KAZN: variants seen among roughly 807,000 people sequenced by gnomAD.
KAZN encodes the protein kazrin, periplakin interacting protein.
Under a neutral mutation model 87.4 loss-of-function variants are expected in KAZN, and 40 were observed. The observed-to-expected ratio is 0.46, with a 90% CI of 0.36 to 0.60. KAZN has a LOEUF of 0.60. Ranked by LOEUF, KAZN falls within the 20% of genes least tolerant of loss-of-function variation. The probability of loss-of-function intolerance (pLI) is 0.00; values close to 1 mark genes in which losing one functional copy is unlikely to be tolerated. For missense variants in KAZN, 898 were observed against 1,073.9 expected (o/e 0.84, Z 2.29); for synonymous variants, 466 against 458.3 (o/e 1.02, Z -0.22).
chr1:13,929,175 C>G (rs946477532), intron 1 of KAZN, among the ~76,000 whole-genome samples: 1 of 151,708 alleles, frequency 6.6e-6, no homozygotes, highest in Non-Finnish European at 1.5e-5. Flanking sequence ...CCACCTCAGC[C>G]TCCCAAGGAG....
chr1:14,283,244 T>G (rs1338833519), intron 2 of KAZN, among the ~76,000 whole-genome samples: 3 of 152,224 alleles, frequency 2.0e-5, no homozygotes, highest in Non-Finnish European at 2.9e-5. Flanking sequence ...CAAGGCATTT[T>G]GTCAAGTCCC....
intron 2 of KAZN, among the ~76,000 whole-genome samples, chr1:14,260,253 A>G (rs778183115): frequency 4.6e-5 from 7 of 152,222 alleles, no homozygotes; most frequent in Admixed American, 2.0e-4. Context: ...CTGATATTCT[A>G]GTGTAGGAGG....
At chr1:14,069,945 C>T (rs138344384) in intron 1 of KAZN, among the ~76,000 whole-genome samples, 102 of 151,996 alleles carry the variant, frequency 6.7e-4, no homozygotes, top group African/African-American at 2.3e-3. Flanking sequence ...CTGAGGCTGG[C>T]GGATCACGAG....
chr1:14,284,602 G>A (rs1264406002), intron 2 of KAZN, among the ~76,000 whole-genome samples: 1 of 152,202 alleles, frequency 6.6e-6, no homozygotes, highest in Non-Finnish European at 1.5e-5. Context: ...AAGGGAAACT[G>A]TTTGCAGGAA....
At chr1:14,077,097 G>A (rs964241429) in intron 1 of KAZN, among the ~76,000 whole-genome samples, 3 of 152,016 alleles carry the variant, frequency 2.0e-5, no homozygotes, top group East Asian at 1.9e-4. Flanking sequence ...TTGCTTCCTC[G>A]GGCCACCTTG....
intron 3 of KAZN, among the ~76,000 whole-genome samples, chr1:15,042,450 G>A (rs1234477257): frequency 2.0e-5 from 3 of 152,196 alleles, no homozygotes. Flanking sequence ...GGTGGTCAGG[G>A]AAGGCTTCTC....
chr1:14,493,578 C>G (rs1669792634), intron 2 of KAZN, among the ~76,000 whole-genome samples: 1 of 152,138 alleles, frequency 6.6e-6, no homozygotes, highest in Non-Finnish European at 1.5e-5. Context: ...TGATTTTTGT[C>G]TTTATCCTTA....
intron 2 of KAZN, among the ~76,000 whole-genome samples, chr1:14,334,362 C>T (rs12032590): frequency 7.1e-5 from 1 of 14,126 alleles, no homozygotes; most frequent in African/African-American, 3.2e-4. Context: ...AAGATTCCAT[C>T]TCAAAAAAAA....
chr1:14,706,064 G>A (rs899485454), intron 1 of KAZN, among the ~76,000 whole-genome samples: 4 of 152,098 alleles, frequency 2.6e-5, no homozygotes, highest in Non-Finnish European at 2.9e-5. Flanking sequence ...GATTTGCATA[G>A]GAATGTGAAC....
At chr1:14,064,849 C>G (rs1207919457) in intron 1 of KAZN, among the ~76,000 whole-genome samples, 2 of 152,160 alleles carry the variant, frequency 1.3e-5, no homozygotes, top group Non-Finnish European at 2.9e-5. Context: ...GGAGGGGAAC[C>G]TGCATATCCT....
At chr1:14,717,492 T>C (rs1642855479) in intron 1 of KAZN, among the ~76,000 whole-genome samples, 1 of 152,090 alleles carries the variant, frequency 6.6e-6, no homozygotes, top group African/African-American at 2.4e-5. Flanking sequence ...CAGCATCCGA[T>C]CTCTGCCCCT....
At chr1:14,065,563 AT>A (rs1293730756) in intron 1 of KAZN, among the ~76,000 whole-genome samples, 35 of 150,814 alleles carry the variant, frequency 2.3e-4, no homozygotes, top group African/African-American at 8.6e-4. Context: ...TCAGAAATGC[AT>A]TTAAAAAAAA....
At chr1:14,824,696 G>GTCA (rs1214584723) in intron 1 of KAZN, among the ~76,000 whole-genome samples, 2 of 152,114 alleles carry the variant, frequency 1.3e-5, no homozygotes, top group African/African-American at 2.4e-5. Flanking sequence ...GATCATCATC[G>GTCA]TCATCATCAT....
At chr1:14,838,365 T>A (rs550557422) in intron 1 of KAZN, among the ~76,000 whole-genome samples, 1 of 152,340 alleles carries the variant, frequency 6.6e-6, no homozygotes, top group East Asian at 1.9e-4. Context: ...TATCCATGAC[T>A]TCTGGAATTG....
intron 1 of KAZN, among the ~76,000 whole-genome samples, chr1:14,009,911 G>T (rs565077304): frequency 1.3e-5 from 2 of 152,220 alleles, no homozygotes; most frequent in Admixed American, 6.5e-5. Context: ...GTGCCTCCAT[G>T]TGTACACACT....
chr1:14,781,934 A>G lies in KAZN; in HGVS notation c.227-178750A>G, dbSNP rs141583955. Among the ~76,000 whole-genome samples the G allele has an allele frequency of 6.3e-3, 963 of 152,318 alleles. 5 individuals are homozygous for G. The highest frequency in any genetic ancestry group is 0.01 in the Non-Finnish European group (695 of 68,030). On this transcript the variant is annotated intron_variant, in intron 1 of 14. Transcript: ENST00000376030. The stretch of plus-strand genomic sequence containing the variant: ...GAATTCCACGATCCATGTTCTGTTT[A>G]TTTCAATTATGACTCCACCACTTTG...
intron 1 of KAZN, chr1:14,929,722 C>T (rs757523308): frequency 1.3e-5 from 12 of 950,604 alleles, no homozygotes; most frequent in Middle Eastern, 5.4e-4. Context: ...AAGGGGTGTG[C>T]GGGCGTGGAG....
intron 8 of KAZN, among the ~76,000 whole-genome samples, chr1:15,070,184 G>A (rs1639444345): frequency 6.6e-6 from 1 of 152,204 alleles, no homozygotes; most frequent in African/African-American, 2.4e-5. Context: ...TCTCCCAGGG[G>A]GGCATCTTCA....
chr1:14,635,699 G>C (rs554986211), intron 1 of KAZN, among the ~76,000 whole-genome samples: 1 of 152,316 alleles, frequency 6.6e-6, no homozygotes, highest in African/African-American at 2.4e-5. Flanking sequence ...CAGGTATAGC[G>C]ATCTGTGTGT....
Sources: gnomAD v4.1 joint callset for allele counts (sites outside exome capture counted in the v4.1 genomes callset) on GRCh38, gnomAD v4.1.1 for gene constraint, MANE v1.5 for transcripts, NCBI Gene and HGNC (gene_info 2026-07-23, HGNC 2026-07-21) for gene names.